The following GNG2 variants were observed in gnomAD, a reference collection of about 807,000 sequenced individuals.
GNG2 encodes the protein guanine nucleotide-binding protein G(I)/G(S)/G(O) subunit gamma-2.
GNG2 carries 5 observed loss-of-function variants against 5.5 expected under a neutral mutation model. The observed-to-expected ratio is 0.91, with a 90% CI of 0.48 to 1.92. The LOEUF (loss-of-function observed/expected upper bound fraction) is 1.92, where lower values mean the gene tolerates loss of function less well. GNG2 is among the 30% of genes most tolerant of loss of function. GNG2 has a pLI of 0.01. For missense variants in GNG2, 55 were observed against 88.4 expected (o/e 0.62, Z 1.52); for synonymous variants, 28 against 32.0 (o/e 0.88, Z 0.42).
intron 2 of GNG2, among the ~76,000 whole-genome samples, chr14:51,912,175 C>T (rs962791614): frequency 1.6e-5 from 2 of 126,424 alleles, no homozygotes; most frequent in African/African-American, 6.5e-5. Flanking sequence ...AGCTCTTGAC[C>T]ACTTTGCTGC....
At chr14:51,833,481 T>C (rs1250433798) in intron 2 of GNG2, among the ~76,000 whole-genome samples, 4 of 152,160 alleles carry the variant, frequency 2.6e-5, no homozygotes, top group African/African-American at 9.7e-5. Context: ...GAACCTGGAG[T>C]AGGGTAAGAC....
At chr14:51,864,470 G>A (rs918893197) in intron 1 of GNG2, among the ~76,000 whole-genome samples, 34 of 152,248 alleles carry the variant, frequency 2.2e-4, no homozygotes, top group East Asian at 9.6e-4. Flanking sequence ...CATAATCTTC[G>A]TATTTAACCT....
chr14:51,887,427 C>G (rs1346860189), intron 2 of GNG2, among the ~76,000 whole-genome samples: 1 of 152,134 alleles, frequency 6.6e-6, no homozygotes, highest in Non-Finnish European at 1.5e-5. Flanking sequence ...GATTACTTGC[C>G]TTGATCTAAT....
At chr14:51,863,854 A>G (rs1882687318) in intron 1 of GNG2, among the ~76,000 whole-genome samples, 1 of 152,216 alleles carries the variant, frequency 6.6e-6, no homozygotes, top group Non-Finnish European at 1.5e-5. Flanking sequence ...ATGTGCTAGA[A>G]TTTCCTTCCT....
chr14:51,863,222 A>G (rs764442684), intron 1 of GNG2, among the ~76,000 whole-genome samples: 1 of 152,190 alleles, frequency 6.6e-6, no homozygotes, highest in African/African-American at 2.4e-5. Flanking sequence ...GTGGAGTGAA[A>G]AGAACGCAGG....
chr14:51,845,584 A>G (rs1395916939), intron 2 of GNG2, among the ~76,000 whole-genome samples: 1 of 152,242 alleles, frequency 6.6e-6, no homozygotes, highest in African/African-American at 2.4e-5. Flanking sequence ...CTGAAGAACT[A>G]CGAGAGATTC....
At chr14:51,882,079 T>G (rs1322392804) in intron 2 of GNG2, among the ~76,000 whole-genome samples, 3 of 152,198 alleles carry the variant, frequency 2.0e-5, no homozygotes, top group Admixed American at 6.5e-5. Context: ...GTTCTTTTAT[T>G]CTTTTTCAAA....
chr14:51,958,039 T>C (rs1347510711), intron 3 of GNG2, among the ~76,000 whole-genome samples: 1 of 152,206 alleles, frequency 6.6e-6, no homozygotes, highest in Non-Finnish European at 1.5e-5. Flanking sequence ...TTTGTTTTCT[T>C]TTTGAAGTTA....
intron 2 of GNG2, among the ~76,000 whole-genome samples, chr14:51,926,394 G>A (rs745805977): frequency 3.3e-5 from 5 of 152,156 alleles, no homozygotes; most frequent in South Asian, 2.1e-4. Context: ...AAGTAGACTC[G>A]TGTGTAAGAA....
intron 2 of GNG2, among the ~76,000 whole-genome samples, chr14:51,948,156 T>C (rs780280970): frequency 6.6e-6 from 1 of 152,208 alleles, no homozygotes; most frequent in Non-Finnish European, 1.5e-5. Context: ...CAAAACTTAG[T>C]CATGTAACTA....
intron 2 of GNG2, among the ~76,000 whole-genome samples, chr14:51,936,396 G>T (rs1566698799): frequency 6.6e-6 from 1 of 152,084 alleles, no homozygotes; most frequent in Non-Finnish European, 1.5e-5. Flanking sequence ...GGGTACGCTA[G>T]AAAAGGAAGA....
chr14:51,830,035 G>T (rs1230802946), intron 2 of GNG2, among the ~76,000 whole-genome samples: 1 of 152,020 alleles, frequency 6.6e-6, no homozygotes, highest in East Asian at 1.9e-4. Context: ...TAAAGATGGG[G>T]TTTCACCATA....
chr14:51,958,164 G>A lies in GNG2; in HGVS notation c.87+7399G>A, dbSNP rs557674637. Among the ~76,000 whole-genome samples, 15 of 152,274 alleles carry A rather than the reference G, an allele frequency of 9.9e-5. No homozygotes were observed. The East Asian group carries it at 1.3e-3, about 14-fold the overall frequency. Reference sequence around the variant, plus strand: ...GGCACAGACTGAAAGTGGTTATTGCGTCCTTTTGGCATGCTGCCCTCATTC... The same window carrying A: ...GGCACAGACTGAAAGTGGTTATTGCATCCTTTTGGCATGCTGCCCTCATTC... On this transcript the variant is annotated intron_variant, in intron 3 of 3. Coordinates refer to ENST00000556766, the MANE Select transcript of GNG2 (RefSeq NM_053064.5).
chr14:51,865,058 GT>G (rs1882782829), intron 1 of GNG2, among the ~76,000 whole-genome samples: 2 of 152,208 alleles, frequency 1.3e-5, no homozygotes, highest in African/African-American at 4.8e-5. Flanking sequence ...AATAGCAACA[GT>G]ATCTGAGCTT....
intron 3 of GNG2, among the ~76,000 whole-genome samples, chr14:51,956,487 A>G (rs2140295268): frequency 6.6e-6 from 1 of 152,282 alleles, no homozygotes; most frequent in South Asian, 2.1e-4. Context: ...GGTGTGGGAA[A>G]ACCTACACAT....
At chr14:51,957,681 A>G (rs565386847) in intron 3 of GNG2, among the ~76,000 whole-genome samples, 5 of 152,178 alleles carry the variant, frequency 3.3e-5, no homozygotes, top group Non-Finnish European at 7.3e-5. Flanking sequence ...TAAGTATGCA[A>G]ATCATCCCAG....
chr14:51,936,278 T>A (rs951066162), intron 2 of GNG2, among the ~76,000 whole-genome samples: 3 of 152,228 alleles, frequency 2.0e-5, no homozygotes, highest in African/African-American at 7.2e-5. Flanking sequence ...AAGAACTCTG[T>A]GTACTCCATG....
intron 2 of GNG2, among the ~76,000 whole-genome samples, chr14:51,889,133 G>A (rs1054559801): frequency 2.5e-4 from 34 of 133,392 alleles, no homozygotes; most frequent in Non-Finnish European, 7.9e-5. Context: ...TTTTTTTTGA[G>A]ATGGAGTCTC....
At chr14:51,956,595 A>T (rs1889285169) in intron 3 of GNG2, among the ~76,000 whole-genome samples, 1 of 152,166 alleles carries the variant, frequency 6.6e-6, no homozygotes, top group Non-Finnish European at 1.5e-5. Context: ...TCAAGCCTCC[A>T]TCCAGTATAA....
Sources: gnomAD v4.1 joint callset for allele counts (sites outside exome capture counted in the v4.1 genomes callset) on GRCh38, gnomAD v4.1.1 for gene constraint, MANE v1.5 for transcripts, NCBI Gene and HGNC (gene_info 2026-07-23, HGNC 2026-07-21) for gene names.